Variants in OSTM1 observed in about 807,000 individuals in gnomAD.
OSTM1 encodes osteoclastogenesis associated transmembrane protein 1.
A neutral mutation model predicts 35.4 loss-of-function variants in OSTM1; 26 were observed. That is an observed-to-expected ratio of 0.73 (90% confidence interval 0.54 to 1.02). OSTM1 has a LOEUF of 1.02. Among genes scored for constraint, OSTM1 ranks in the 50% least tolerant of loss-of-function variants. The probability of loss-of-function intolerance (pLI) is 0.00; values close to 1 mark genes in which losing one functional copy is unlikely to be tolerated. For missense variants in OSTM1, 366 were observed against 409.6 expected, an observed-to-expected ratio of 0.89 and a Z score of 0.92; for synonymous variants, 181 against 165.0, an observed-to-expected ratio of 1.10 and a Z score of -0.75.
At chr6:108,067,319 T>C (rs1772397258) in intron 1 of OSTM1, among the ~76,000 whole-genome samples, 1 of 152,126 alleles carries the variant, frequency 6.6e-6, no homozygotes, top group East Asian at 1.9e-4. Flanking sequence ...GCACCTGTCC[T>C]TTTCAAGGCC....
rs1328033098 is a variant in OSTM1, at chr6:108,044,104, A to T, written c.*681T>A. The T allele has an allele frequency of 2.0e-5, 3 of 152,648 alleles. No individual in the cohort carries two copies. Among genetic ancestry groups the T allele is most frequent in the African/African-American group, 7.2e-5 (3 of 41,462 alleles). The allele number at this position is 152,648 out of a possible 1,614,324, so 9.5% of individuals were successfully genotyped here. ...AATAAAGCAATCCAGTGATTTTTAAATTACTTATGAAATAAAGGCAAAAAT... is the reference window on the plus strand; with the variant it reads ...AATAAAGCAATCCAGTGATTTTTAATTTACTTATGAAATAAAGGCAAAAAT... On this transcript the variant is annotated 3_prime_UTR_variant, in exon 6 of 6. Transcript: ENST00000193322.
intron 5 of OSTM1, among the ~76,000 whole-genome samples, chr6:108,046,328 T>C (rs1211682056): frequency 7.5e-6 from 1 of 132,566 alleles, no homozygotes; most frequent in Non-Finnish European, 1.6e-5. Flanking sequence ...CCTACCAATG[T>C]CTCTGGTTTC....
intron 1 of OSTM1, among the ~76,000 whole-genome samples, chr6:108,067,141 G>A (rs1400002259): frequency 2.0e-5 from 3 of 151,050 alleles, no homozygotes; most frequent in Admixed American, 6.7e-5. Context: ...TTTTACAACC[G>A]CTATTTCAAA....
At position 108,074,372 on chromosome 6, in the gene OSTM1, T is replaced by C. The variant is rs369188843; in HGVS notation, c.280A>G (p.Ser94Gly). Residue 94 changes from serine to glycine, a missense_variant, in exon 1 of 6, where the codon AGC (serine) becomes GGC (glycine). Coordinates refer to ENST00000193322, the MANE Select transcript of OSTM1 (RefSeq NM_014028.4). Reference sequence around the variant, plus strand: ...AGACACCCTGTCAGCTCTGCGCTGCTGTTGGCGAAGTCCAGCAGGAGCTCC... The same window carrying C: ...AGACACCCTGTCAGCTCTGCGCTGCCGTTGGCGAAGTCCAGCAGGAGCTCC... ...CRELLLDFAN[S>G]SAELTGCLVR... 2.5e-6 allele frequency: 4 copies of C among 1,596,170 alleles called. No homozygotes were observed. The East Asian group carries it at 6.7e-5, about 27-fold the overall frequency.
At chr6:108,066,001 A>C (rs545289265) in intron 1 of OSTM1, among the ~76,000 whole-genome samples, 1 of 152,326 alleles carries the variant, frequency 6.6e-6, no homozygotes, top group East Asian at 1.9e-4. Flanking sequence ...AGGATTCGAA[A>C]ATAGAAGAAT....
chr6:108,071,850 G>A (rs1183933976), intron 1 of OSTM1, among the ~76,000 whole-genome samples: 3 of 152,108 alleles, frequency 2.0e-5, no homozygotes, highest in Non-Finnish European at 4.4e-5. Flanking sequence ...TCACATCAGG[G>A]TGAGTTGAGC....
Position 108,044,772 on chromosome 6 carries a change from C to T in OSTM1, c.*13G>A. On this transcript the variant is annotated 3_prime_UTR_variant, in exon 6 of 6. Transcript: ENST00000193322. ...TCATTCACGTGATATGTCAATTCTC[C>T]ATTTTGTAGGTCTCAGTTTGAATTT... is the stretch of plus-strand genomic sequence containing the variant. 1 of 1,499,228 alleles carries T rather than the reference C, an allele frequency of 6.7e-7. No individual in the cohort carries two copies. Among genetic ancestry groups the T allele is most frequent in the Non-Finnish European group, 9.2e-7 (1 of 1,081,242 alleles). The allele number at this position is 1,499,228 out of a possible 1,614,324, so 92.9% of individuals were successfully genotyped here.
intron 2 of OSTM1, among the ~76,000 whole-genome samples, 169 bp downstream of exon 2, chr6:108,064,016 G>A (rs972330584): frequency 3.3e-5 from 5 of 152,104 alleles, no homozygotes; most frequent in East Asian, 1.9e-4. Context: ...TCTGCCTTTC[G>A]CTATTTGCTC....
At chr6:108,057,471 T>C (rs920778142) in intron 2 of OSTM1, among the ~76,000 whole-genome samples, 17 of 152,130 alleles carry the variant, frequency 1.1e-4, no homozygotes, top group African/African-American at 4.1e-4. Flanking sequence ...CATAACAATA[T>C]AGGGATAAAA....
intron 5 of OSTM1, among the ~76,000 whole-genome samples, chr6:108,046,168 AT>A (rs750495431): frequency 0.013 from 1,258 of 93,416 alleles, 14 homozygotes; most frequent in African/African-American, 0.037. Context: ...CGCCCAGCTA[AT>A]TTTTTTTTTT....
chr6:108,062,622 A>C (rs1161922644), intron 2 of OSTM1, among the ~76,000 whole-genome samples: 1 of 146,960 alleles, frequency 6.8e-6, no homozygotes, highest in Non-Finnish European at 1.5e-5. Flanking sequence ...ACCATGATTC[A>C]TTGCAGCCTT....
At chr6:108,072,484 T>A (rs1772501788) in intron 1 of OSTM1, among the ~76,000 whole-genome samples, 1 of 151,686 alleles carries the variant, frequency 6.6e-6, no homozygotes, top group South Asian at 2.1e-4. Context: ...AATACAATAA[T>A]TAGTTAGGTG....
intron 2 of OSTM1, among the ~76,000 whole-genome samples, chr6:108,061,874 C>T (rs1406603720): frequency 6.6e-6 from 1 of 152,030 alleles, no homozygotes; most frequent in African/African-American, 2.4e-5. Flanking sequence ...AATCTCAATG[C>T]ATTTAATATT....
intron 5 of OSTM1, among the ~76,000 whole-genome samples, chr6:108,046,909 G>C (rs1423884807): frequency 6.6e-6 from 1 of 152,046 alleles, no homozygotes; most frequent in Non-Finnish European, 1.5e-5. Context: ...AGTTAAATAC[G>C]AATGAGTACA....
chr6:108,050,334 A>AG (rs141873180), intron 4 of OSTM1, among the ~76,000 whole-genome samples: 5,860 of 151,164 alleles, frequency 0.039, 393 homozygotes, highest in Admixed American at 0.18. Context: ...GGCTTCTGAA[A>AG]CATGTAGTGA....
chr6:108,063,682 G>A (rs931915220), intron 2 of OSTM1, among the ~76,000 whole-genome samples: 1 of 151,982 alleles, frequency 6.6e-6, no homozygotes, highest in Non-Finnish European at 1.5e-5. Flanking sequence ...ATCCCACCCC[G>A]CCGCCTGCCA....
Position 108,065,812 on chromosome 6 carries a change from G to A in OSTM1, c.403-1513C>T, listed in dbSNP as rs145084076. Among the ~76,000 whole-genome samples the A allele has an allele frequency of 3.6e-3, 546 of 152,304 alleles. 3 individuals carry two copies. The highest frequency in any genetic ancestry group is 5.5e-3 in the Non-Finnish European group (374 of 68,026). On this transcript the variant is annotated intron_variant, in intron 1 of 5. Transcript: ENST00000193322. ...TGGATAAGTGTCATTAGTTGGTTAA[G>A]TTGAATCTTCATAAGTGGGTGACTG...
intron 2 of OSTM1, among the ~76,000 whole-genome samples, chr6:108,056,188 C>T (rs1772166992): frequency 6.6e-6 from 1 of 152,188 alleles, no homozygotes; most frequent in Non-Finnish European, 1.5e-5. Flanking sequence ...GCACTTTAAA[C>T]ACATTTGCCC....
At chr6:108,067,338 T>C (rs1772397392) in intron 1 of OSTM1, among the ~76,000 whole-genome samples, 1 of 152,160 alleles carries the variant, frequency 6.6e-6, no homozygotes, top group Admixed American at 6.5e-5. Flanking sequence ...CCCATCTCTC[T>C]GAGGATGCCC....
Sources: gnomAD v4.1 joint callset for allele counts (sites outside exome capture counted in the v4.1 genomes callset) on GRCh38, gnomAD v4.1.1 for gene constraint, MANE v1.5 for transcripts, NCBI Gene and HGNC (gene_info 2026-07-23, HGNC 2026-07-21) for gene names.